The following GLMN variants were observed in gnomAD, a reference collection of about 807,000 sequenced individuals.
The protein encoded by GLMN is glomulin, FKBP associated protein.
A neutral mutation model predicts 87.8 loss-of-function variants in GLMN; 75 were observed. That is an observed-to-expected ratio of 0.85 (90% CI 0.71 to 1.04). The LOEUF (loss-of-function observed/expected upper bound fraction) is 1.04. Ranked by LOEUF, GLMN falls within the 50% of genes least tolerant of loss-of-function variation. GLMN has a pLI of 0.00. For missense variants in GLMN, 588 were observed against 658.8 expected (o/e 0.89, Z 1.18); for synonymous variants, 206 against 221.6 (o/e 0.93, Z 0.63).
chr1:92,274,024 T>TTCACA (rs1484324233), intron 7 of GLMN, among the ~76,000 whole-genome samples: 3 of 152,210 alleles, frequency 2.0e-5, no homozygotes, highest in Non-Finnish European at 4.4e-5. Context: ...AAAGTGAGGA[T>TTCACA]GGCTGAGGCC....
At chr1:92,295,505 A>G (rs776496735) in intron 3 of GLMN, among the ~76,000 whole-genome samples, 3 of 152,188 alleles carry the variant, frequency 2.0e-5, no homozygotes, top group African/African-American at 4.8e-5. Flanking sequence ...TCCTTCAGAA[A>G]ACTTTTCCCT....
At chr1:92,290,641 G>A (rs1273337230) in intron 4 of GLMN, among the ~76,000 whole-genome samples, 1 of 152,148 alleles carries the variant, frequency 6.6e-6, no homozygotes, top group East Asian at 1.9e-4. Context: ...AGCCTATTTA[G>A]ACTAGTCTGG....
At chr1:92,269,013 G>A (rs542389198) in intron 9 of GLMN, among the ~76,000 whole-genome samples, 3 of 151,428 alleles carry the variant, frequency 2.0e-5, no homozygotes, top group African/African-American at 4.8e-5. Context: ...AGACCTCCCA[G>A]GCACAGGTGA....
the GLMN span, among the ~76,000 whole-genome samples, chr1:92,348,468 A>G: frequency 6.6e-6 from 1 of 152,124 alleles, no homozygotes; most frequent in Non-Finnish European, 1.5e-5. Context: ...CTTTTGCTCT[A>G]GGCCTTCCTT....
chr1:92,332,270 T>TA, the GLMN span, among the ~76,000 whole-genome samples: 1 of 152,110 alleles, frequency 6.6e-6, no homozygotes. Context: ...CATTAGTTCT[T>TA]ACTTTTAAAT....
chr1:92,283,993 A>G (rs1255339911), intron 7 of GLMN, among the ~76,000 whole-genome samples: 1 of 152,222 alleles, frequency 6.6e-6, no homozygotes, highest in Non-Finnish European at 1.5e-5. Context: ...ATGGAAGAAC[A>G]TTCCATGCTC....
chr1:92,280,126 T>A (rs919681805), intron 7 of GLMN, among the ~76,000 whole-genome samples: 1 of 152,224 alleles, frequency 6.6e-6, no homozygotes, highest in African/African-American at 2.4e-5. Context: ...CAGCATAGCA[T>A]TCGAGCTCCG....
At chr1:92,339,265 T>C in the GLMN span, among the ~76,000 whole-genome samples, 9 of 152,096 alleles carry the variant, frequency 5.9e-5, no homozygotes, top group African/African-American at 1.9e-4. Context: ...TGGAAGCTTA[T>C]TAGAATCACC....
intron 13 of GLMN, 68 bp from the exon 14 acceptor site, chr1:92,264,706 G>GT: frequency 1.1e-6 from 1 of 892,988 alleles, no homozygotes; most frequent in African/African-American, 1.6e-5. Context: ...GGTGATAAAA[G>GT]TTTTACAAAT....
chr1:92,293,777 C>T (rs995184161), intron 3 of GLMN, among the ~76,000 whole-genome samples: 2 of 152,018 alleles, frequency 1.3e-5, no homozygotes, highest in African/African-American at 2.4e-5. Context: ...TATTTGGCCA[C>T]AAAAATGAAT....
chr1:92,340,777 T>C, the GLMN span, among the ~76,000 whole-genome samples: 1 of 152,184 alleles, frequency 6.6e-6, no homozygotes, highest in Non-Finnish European at 1.5e-5. Context: ...CTGAATTGCA[T>C]TACAAATCTG....
At chr1:92,320,212 G>A in the GLMN span, among the ~76,000 whole-genome samples, 1 of 152,188 alleles carries the variant, frequency 6.6e-6, no homozygotes, top group South Asian at 2.1e-4. Flanking sequence ...TATAGTTTGG[G>A]TAAGAGAGAG....
the GLMN span, among the ~76,000 whole-genome samples, chr1:92,310,640 G>A: frequency 5.3e-5 from 8 of 152,018 alleles, no homozygotes; most frequent in Admixed American, 3.9e-4. Flanking sequence ...ACTCACGCCC[G>A]TAATCCCAGC....
At chr1:92,305,690 T>C in the GLMN span, among the ~76,000 whole-genome samples, 1 of 151,630 alleles carries the variant, frequency 6.6e-6, no homozygotes, top group Non-Finnish European at 1.5e-5. Flanking sequence ...AATAGAAAAA[T>C]TTACACAAGG....
Position 92,271,483 on chromosome 1 carries a change from T to C in GLMN, c.905A>G (p.Gln302Arg), listed in dbSNP as rs573582566. ...LVFVQGIHID[Q>R]LPMVLSPLYL... is the part of the protein sequence containing the mutation. The stretch of plus-strand genomic sequence containing the variant: ...CTCTTACCTTAAGACCATTGGAAGC[T>C]GATCAATATGGATGCCCTGTACAAA... Residue 302 changes from glutamine (Q) to arginine (R), a missense_variant, in exon 8 of 19, where the codon CAG becomes CGG. Gln to Arg is a conservative substitution (Grantham distance 43). Coordinates refer to ENST00000370360, the MANE Select transcript of GLMN (RefSeq NM_053274.3). 10 of 1,612,318 alleles carry C rather than the reference T, an allele frequency of 6.2e-6. No homozygotes were observed. Among genetic ancestry groups the C allele is most frequent in the South Asian group, 1.1e-5 (1 of 91,054 alleles).
At position 92,289,036 on chromosome 1, in the gene GLMN, G is replaced by T. The variant is rs1373580677; in HGVS notation, c.510C>A (p.Asp170Glu). ...PYSKEQIQMD[D>E]YGLCQCCKAL... ...CCTTGCAACACTGACAAAGGCCATA[G>T]TCATCCATTTGTATTTGTTCTTTTG... The change falls in exon 6 of 19, where the codon GAC (aspartate) becomes GAA (glutamate). Residue 170 changes from aspartate (D) to glutamate (E), a missense_variant. Coordinates refer to ENST00000370360, the MANE Select transcript of GLMN (RefSeq NM_053274.3). The T allele has an allele frequency of 3.1e-6, 5 of 1,606,902 alleles. No homozygotes were observed. The highest frequency in any genetic ancestry group is 4.3e-6 in the Non-Finnish European group (5 of 1,173,452).
intron 3 of GLMN, among the ~76,000 whole-genome samples, chr1:92,296,637 T>C (rs573004675): frequency 3.7e-4 from 56 of 152,308 alleles, no homozygotes; most frequent in South Asian, 2.3e-3. Context: ...GTCTTCCTTA[T>C]AAGGAGTATC....
chr1:92,311,000 A>T, the GLMN span, among the ~76,000 whole-genome samples: 1 of 152,242 alleles, frequency 6.6e-6, no homozygotes, highest in Non-Finnish European at 1.5e-5. Flanking sequence ...TATGCATATA[A>T]CTAAAACTAA....
rs372630078 is a variant in GLMN, at chr1:92,297,534, CA to C, written c.40-6del. 0.16 allele frequency: 166,196 copies of C among 1,050,368 alleles called. 256 individuals carry two copies. Among genetic ancestry groups the C allele is most frequent in the African/African-American group, 0.21 (10,253 of 48,626 alleles). 65.1% of individuals were successfully genotyped at this position (1,050,368 alleles called of 1,614,324 possible). ...GTCTTGCTCTTCTAGGATTTGCTGG[CA>C]AAAAAAAAAAAAACCCAAAAAACAA... On this transcript the variant is annotated splice_polypyrimidine_tract_variant and splice_region_variant and intron_variant, in intron 2 of 18. Coordinates refer to ENST00000370360, the MANE Select transcript of GLMN (RefSeq NM_053274.3).
Sources: allele counts gnomAD v4.1 joint callset (sites outside exome capture counted in the v4.1 genomes callset), GRCh38; gene constraint gnomAD v4.1.1; transcripts MANE v1.5; gene names NCBI Gene and HGNC (gene_info 2026-07-23, HGNC 2026-07-21).